RAP1GDS1: variants seen among roughly 807,000 people sequenced by gnomAD.
RAP1GDS1 encodes RAP1, GTP-GDP dissociation stimulator 1.
Under a neutral mutation model 71.1 loss-of-function variants are expected in RAP1GDS1, and 35 were observed. The ratio of observed to expected loss-of-function variants is 0.49; its 90% CI spans 0.38 to 0.65. The LOEUF (loss-of-function observed/expected upper bound fraction) is 0.65. Among genes scored for constraint, RAP1GDS1 ranks in the 30% least tolerant of loss-of-function variants. The probability of loss-of-function intolerance (pLI) is 0.00; values close to 1 mark genes in which losing one functional copy is unlikely to be tolerated. For missense variants in RAP1GDS1, 663 were observed against 706.1 expected (o/e 0.94, Z 0.69); for synonymous variants, 229 against 243.1 (o/e 0.94, Z 0.54).
At chr4:98,339,745 T>C (rs1038516057) in intron 2 of RAP1GDS1, among the ~76,000 whole-genome samples, 2 of 152,200 alleles carry the variant, frequency 1.3e-5, no homozygotes, top group African/African-American at 4.8e-5. Flanking sequence ...AAAGTATATA[T>C]GAAATGAAGT....
intron 1 of RAP1GDS1, among the ~76,000 whole-genome samples, chr4:98,289,109 A>T (rs1397211114): frequency 6.6e-6 from 1 of 152,070 alleles, no homozygotes; most frequent in Non-Finnish European, 1.5e-5. Context: ...CCCTTTTTTT[A>T]CTGTAGATAT....
intron 4 of RAP1GDS1, among the ~76,000 whole-genome samples, chr4:98,353,663 T>C (rs1737533882): frequency 6.6e-6 from 1 of 152,194 alleles, no homozygotes; most frequent in Admixed American, 6.5e-5. Context: ...GAAATGTCAG[T>C]AATGAATCTG....
chr4:98,392,979 T>TTTCTC (rs1743946418), intron 6 of RAP1GDS1, among the ~76,000 whole-genome samples: 2 of 152,246 alleles, frequency 1.3e-5, no homozygotes, highest in South Asian at 4.1e-4. Context: ...CCTCTTCATT[T>TTTCTC]TTCTCTTTGT....
At chr4:98,390,076 T>C (rs906752585) in intron 5 of RAP1GDS1, among the ~76,000 whole-genome samples, 3 of 152,268 alleles carry the variant, frequency 2.0e-5, no homozygotes, top group Middle Eastern at 3.4e-3. Context: ...TGAATACATA[T>C]ATAAATAAAA....
intron 5 of RAP1GDS1, among the ~76,000 whole-genome samples, chr4:98,391,544 A>C (rs1339542794): frequency 1.3e-5 from 2 of 151,948 alleles, no homozygotes; most frequent in African/African-American, 4.8e-5. Context: ...GTCTTCATTA[A>C]ACTTGCTACT....
chr4:98,322,832 T>C (rs900513143), intron 2 of RAP1GDS1, among the ~76,000 whole-genome samples: 1 of 134,076 alleles, frequency 7.5e-6, no homozygotes, highest in Admixed American at 7.3e-5. Context: ...AGATCCAAAA[T>C]TGACACCCTA....
Position 98,421,384 on chromosome 4 carries a change from G to C in RAP1GDS1, c.1430G>C (p.Ser477Thr), listed in dbSNP as rs1415739573. ...CTGCTGTCTGCCCTTATACGACACA[G>C]TAAATCAAAAGTAAGTTCCAGAGGA... The part of the protein sequence containing the change: ...NRLLSALIRH[S>T]KSKDVIKTIV... Residue 477 changes from serine (S) to threonine (T), a missense_variant, in exon 12 of 15, where the codon AGT becomes ACT. Ser to Thr is a moderately conservative substitution (Grantham distance 58). Coordinates refer to ENST00000408927, the MANE Select transcript of RAP1GDS1 (RefSeq NM_001100427.2). 1 of 1,592,522 alleles carries C rather than the reference G, an allele frequency of 6.3e-7. No individual in the cohort carries two copies. The highest frequency in any genetic ancestry group is 8.5e-7 in the Non-Finnish European group (1 of 1,170,534).
intron 2 of RAP1GDS1, among the ~76,000 whole-genome samples, chr4:98,297,165 G>A (rs1291487090): frequency 6.6e-6 from 1 of 151,922 alleles, no homozygotes; most frequent in African/African-American, 2.4e-5. Context: ...AGCATTTAAT[G>A]TCTAGTTCCA....
At chr4:98,325,943 G>T (rs1159761943) in intron 2 of RAP1GDS1, among the ~76,000 whole-genome samples, 1 of 151,370 alleles carries the variant, frequency 6.6e-6, no homozygotes, top group East Asian at 1.9e-4. Flanking sequence ...ATTCAGTGTA[G>T]TTGTAGTGCT....
At position 98,308,285 on chromosome 4, in the gene RAP1GDS1, T is replaced by TAC. The variant is rs201230303; in HGVS notation, c.112+14781_112+14782dup. Among the ~76,000 whole-genome samples the TAC allele has an allele frequency of 7.9e-5, 9 of 113,952 alleles. No individual in the cohort carries two copies. The East Asian group carries it at 1.1e-3, about 14-fold the overall frequency. The allele number at this position is 113,952 out of a possible 152,430, so 74.8% of individuals were successfully genotyped here. A position where few individuals can be genotyped will look rare whatever the true frequency, so the allele number is the denominator to read the frequency against. ...ACACACACACCCACACACATATATA[T>TAC]ACACACACACACTATATATATATAT... On this transcript the variant is annotated intron_variant, in intron 2 of 14. Coordinates refer to ENST00000408927, the MANE Select transcript of RAP1GDS1 (RefSeq NM_001100427.2).
chr4:98,428,893 GT>G (rs1362077121), intron 12 of RAP1GDS1, among the ~76,000 whole-genome samples: 1 of 152,100 alleles, frequency 6.6e-6, no homozygotes, highest in Non-Finnish European at 1.5e-5. Context: ...TTGCACACAT[GT>G]TTATAGCAGC....
intron 4 of RAP1GDS1, among the ~76,000 whole-genome samples, chr4:98,362,022 C>T (rs976012622): frequency 3.3e-5 from 5 of 151,918 alleles, no homozygotes; most frequent in South Asian, 2.1e-4. Context: ...GTTTTAGAAA[C>T]GATATTCATG....
At chr4:98,286,077 G>A (rs1725952338) in intron 1 of RAP1GDS1, among the ~76,000 whole-genome samples, 2 of 151,484 alleles carry the variant, frequency 1.3e-5, no homozygotes, top group South Asian at 2.1e-4. Flanking sequence ...GACCAGCCTG[G>A]GCAACATAGA....
At chr4:98,325,213 C>G (rs548899502) in intron 2 of RAP1GDS1, among the ~76,000 whole-genome samples, 1 of 151,554 alleles carries the variant, frequency 6.6e-6, no homozygotes, top group South Asian at 2.1e-4. Context: ...AAATCAAAAC[C>G]ACTATGAGAT....
intron 1 of RAP1GDS1, among the ~76,000 whole-genome samples, chr4:98,264,603 A>G (rs751567022): frequency 1.1e-4 from 16 of 152,190 alleles, no homozygotes; most frequent in Non-Finnish European, 1.6e-4. Context: ...AAAGATATTC[A>G]TGTTTCACAT....
chr4:98,324,529 G>T (rs190444989), intron 2 of RAP1GDS1, among the ~76,000 whole-genome samples: 16,333 of 144,916 alleles, frequency 0.11, 1,220 homozygotes, highest in South Asian at 0.22. Flanking sequence ...TATACTACAA[G>T]GCTACAGTAA....
chr4:98,306,767 A>G (rs1399351168), intron 2 of RAP1GDS1, among the ~76,000 whole-genome samples: 1 of 152,176 alleles, frequency 6.6e-6, no homozygotes, highest in Non-Finnish European at 1.5e-5. Context: ...AATTAAAGGC[A>G]AGGGTAGTAT....
At chr4:98,424,263 T>G (rs921506231) in intron 12 of RAP1GDS1, among the ~76,000 whole-genome samples, 7 of 152,162 alleles carry the variant, frequency 4.6e-5, no homozygotes, top group African/African-American at 9.6e-5. Context: ...CTTAATCTTT[T>G]TGCTCTACTC....
At chr4:98,280,623 A>G (rs141898030) in intron 1 of RAP1GDS1, among the ~76,000 whole-genome samples, 2,606 of 151,618 alleles carry the variant, frequency 0.017, 68 homozygotes, top group African/African-American at 0.059. Flanking sequence ...ATTAGATCCC[A>G]TTTGTCAATT....
Sources: gnomAD v4.1 joint callset for allele counts (sites outside exome capture counted in the v4.1 genomes callset) on GRCh38, gnomAD v4.1.1 for gene constraint, MANE v1.5 for transcripts, NCBI Gene and HGNC (gene_info 2026-07-23, HGNC 2026-07-21) for gene names.